The following PPT1 variants were observed in gnomAD, a reference collection of about 807,000 sequenced individuals.
PPT1 encodes the protein palmitoyl-protein thioesterase 1.
In PPT1, 24 loss-of-function variants were observed where a neutral mutation model predicts 44.0. The observed-to-expected ratio is 0.54, with a 90% CI of 0.39 to 0.77. The LOEUF is 0.77. PPT1 is among the 30% of genes least tolerant of loss of function. PPT1 has a pLI of 0.00. For synonymous variants in PPT1, 148 were observed against 140.2 expected (o/e 1.06, Z -0.39); for missense variants, 341 against 378.8 (o/e 0.90, Z 0.83).
chr1:40,092,882 T>C (rs1286518827), intron 1 of PPT1, among the ~76,000 whole-genome samples: 1 of 152,184 alleles, frequency 6.6e-6, no homozygotes, highest in Non-Finnish European at 1.5e-5. Context: ...ATAACAAGTA[T>C]TGTCAACGAT....
intron 5 of PPT1, among the ~76,000 whole-genome samples, chr1:40,087,108 T>C (rs1462044084): frequency 6.6e-6 from 1 of 152,066 alleles, no homozygotes; most frequent in Non-Finnish European, 1.5e-5. Flanking sequence ...CCATTTTTTA[T>C]GATCTCTTAC....
At chr1:40,095,530 C>T (rs913102565) in intron 1 of PPT1, among the ~76,000 whole-genome samples, 27 of 152,262 alleles carry the variant, frequency 1.8e-4, no homozygotes, top group African/African-American at 5.5e-4. Flanking sequence ...CTTGATCTTT[C>T]CCCCACCCTA....
chr1:40,084,625 T>C (rs1443166744), intron 5 of PPT1, among the ~76,000 whole-genome samples: 2 of 152,228 alleles, frequency 1.3e-5, no homozygotes, highest in African/African-American at 4.8e-5. Context: ...GCATGAGCTG[T>C]TCCGGTATAA....
At chr1:40,081,277 T>G (rs2124475456) in intron 5 of PPT1, among the ~76,000 whole-genome samples, 1 of 152,262 alleles carries the variant, frequency 6.6e-6, no homozygotes, top group Non-Finnish European at 1.5e-5. Flanking sequence ...GGCTCATGCT[T>G]ATAATCCCAG....
chr1:40,081,651 C>T (rs577950118), intron 5 of PPT1, among the ~76,000 whole-genome samples: 5 of 152,250 alleles, frequency 3.3e-5, no homozygotes, highest in African/African-American at 7.2e-5. Context: ...TTTCGCCTTC[C>T]GCCATGATTG....
chr1:40,092,607 C>A (rs1355532939), intron 1 of PPT1, 100 bp from the exon 2 acceptor site: 3 of 962,014 alleles, frequency 3.1e-6, no homozygotes, highest in Non-Finnish European at 3.4e-6. Flanking sequence ...GATGTGAAAA[C>A]AATGTATAGA....
chr1:40,083,345 C>G (rs760270092), intron 5 of PPT1, among the ~76,000 whole-genome samples: 17 of 152,154 alleles, frequency 1.1e-4, no homozygotes, highest in Admixed American at 9.8e-4. Context: ...GTCCTAGCTA[C>G]TCAGGAGGCT....
intron 5 of PPT1, 51 bp downstream of exon 5, chr1:40,089,359 A>G: frequency 2.1e-6 from 3 of 1,413,350 alleles, no homozygotes; most frequent in African/African-American, 1.4e-5. Context: ...AGTCAGCATG[A>G]TATTTTCACA....
At chr1:40,096,119 A>T (rs978660053) in intron 1 of PPT1, among the ~76,000 whole-genome samples, 21 of 150,876 alleles carry the variant, frequency 1.4e-4, no homozygotes, top group Non-Finnish European at 2.7e-4. Flanking sequence ...AACTGTCCTC[A>T]TCTACCTCAG....
intron 5 of PPT1, among the ~76,000 whole-genome samples, chr1:40,085,982 A>T (rs1229146410): frequency 6.6e-6 from 1 of 152,184 alleles, no homozygotes; most frequent in Non-Finnish European, 1.5e-5. Context: ...CCAAGTTGCA[A>T]GTTCATCGGC....
At chr1:40,090,406 ATGTC>A (rs1310929365) in intron 4 of PPT1, among the ~76,000 whole-genome samples, 3 of 149,924 alleles carry the variant, frequency 2.0e-5, no homozygotes, top group Non-Finnish European at 3.0e-5. Flanking sequence ...ATGTCTATAT[ATGTC>A]TATGTATGTG....
chr1:40,092,013 T>C, intron 3 of PPT1, 32 bp downstream of exon 3: 1 of 1,612,340 alleles, frequency 6.2e-7, no homozygotes, highest in Non-Finnish European at 8.5e-7. Flanking sequence ...CAATTCCATA[T>C]AAGTGGTACA....
At chr1:40,096,379 G>C (rs1032897483) in intron 1 of PPT1, among the ~76,000 whole-genome samples, 2 of 152,098 alleles carry the variant, frequency 1.3e-5, no homozygotes, top group Admixed American at 1.3e-4. Context: ...GCACCTAGTA[G>C]GTGCTCAATA....
Position 40,080,383 on chromosome 1 carries a change from G to C in PPT1, c.627+14C>G. 6.2e-7 allele frequency: 1 copy of C among 1,611,584 alleles called. No individual in the cohort carries two copies. The highest frequency in any genetic ancestry group is 8.5e-7 in the Non-Finnish European group (1 of 1,177,804). On this transcript the variant is annotated intron_variant, in intron 6 of 8. Coordinates refer to ENST00000642050, the MANE Select transcript of PPT1 (RefSeq NM_000310.4). Reference sequence around the variant, plus strand: ...AAGAACGCACATCTATGGGAGCCCGGTTTGGGTGCTTACCCGCTCCTGATT... The same window carrying C: ...AAGAACGCACATCTATGGGAGCCCGCTTTGGGTGCTTACCCGCTCCTGATT...
rs979608940 is a variant in PPT1, at chr1:40,092,524, A to C, written c.125-17T>G. On this transcript the variant is annotated splice_polypyrimidine_tract_variant and intron_variant, in intron 1 of 8. Transcript: ENST00000642050. ...AGCTGTCTCCTAGCCAACAAAACAC[A>C]ATGATGGAAACTCATGAGTCCAAAT... is the stretch of plus-strand genomic sequence containing the variant. 6.4e-7 allele frequency: 1 copy of C among 1,560,914 alleles called. No homozygotes were observed. Among genetic ancestry groups the C allele is most frequent in the Admixed American group, 1.7e-5 (1 of 59,966 alleles).
chr1:40,087,957 G>A (rs1321312173), intron 5 of PPT1, among the ~76,000 whole-genome samples: 2 of 150,960 alleles, frequency 1.3e-5, no homozygotes, highest in East Asian at 4.1e-4. Flanking sequence ...AGAAAAGACA[G>A]CTATTAGCTG....
chr1:40,080,463 A>G lies in PPT1; in HGVS notation c.561T>C (p.His187=), dbSNP rs1648872092. The G allele has an allele frequency of 1.2e-6, 2 of 1,614,034 alleles. No individual in the cohort carries two copies. Among genetic ancestry groups the G allele is most frequent in the Non-Finnish European group, 1.7e-6 (2 of 1,179,970 alleles). Reference sequence around the variant, plus strand: ...GATACACATCCTCCTTTATGGGGTCATGCCAGTATTCGGCTTGCACGAGGC... The same window carrying G: ...GATACACATCCTCCTTTATGGGGTCGTGCCAGTATTCGGCTTGCACGAGGC... The part of the protein sequence containing the change: ...QERLVQAEYW[H]DPIKEDVYRN... Residue 187 remains histidine, a synonymous_variant, in exon 6 of 9, where the codon CAT becomes CAC. Coordinates refer to ENST00000642050, the MANE Select transcript of PPT1 (RefSeq NM_000310.4).
chr1:40,089,050 G>A (rs551850474), intron 5 of PPT1, among the ~76,000 whole-genome samples: 8 of 152,188 alleles, frequency 5.3e-5, no homozygotes, highest in African/African-American at 1.4e-4. Context: ...ACTTTGGGAG[G>A]CCAAGGTGGG....
chr1:40,091,599 C>A (rs1570469683), intron 3 of PPT1, among the ~76,000 whole-genome samples, 200 bp from the exon 4 acceptor site: 1 of 152,164 alleles, frequency 6.6e-6, no homozygotes, highest in African/African-American at 2.4e-5. Context: ...CATGGTGGCT[C>A]ACACCTGTAA....
Sources: allele counts gnomAD v4.1 joint callset (sites outside exome capture counted in the v4.1 genomes callset), GRCh38; gene constraint gnomAD v4.1.1; transcripts MANE v1.5; gene names NCBI Gene and HGNC (gene_info 2026-07-23, HGNC 2026-07-21).